TAOK1: variants seen among roughly 807,000 people sequenced by gnomAD.
TAOK1 encodes serine/threonine-protein kinase TAO1.
Under a neutral mutation model 138.3 loss-of-function variants are expected in TAOK1, and 21 were observed. The observed-to-expected ratio is 0.15, with a 90% CI of 0.11 to 0.22. The LOEUF (loss-of-function observed/expected upper bound fraction) is 0.22, where lower values mean the gene tolerates loss of function less well. Among genes scored for constraint, TAOK1 ranks in the 10% least tolerant of loss-of-function variants. The pLI is 1.00. For synonymous variants in TAOK1, 361 were observed against 398.4 expected (o/e 0.91, Z 1.12); for missense variants, 651 against 1,227.7 (o/e 0.53, Z 7.02).
At chr17:29,529,233 A>G (rs1246189910) in intron 17 of TAOK1, among the ~76,000 whole-genome samples, 1 of 152,150 alleles carries the variant, frequency 6.6e-6, no homozygotes, top group Non-Finnish European at 1.5e-5. Flanking sequence ...TTGGCCTCCC[A>G]AAGTACTGGG....
At position 29,503,337 on chromosome 17, in the gene TAOK1, G is replaced by A. The variant is rs150627080; in HGVS notation, c.1338+614G>A. ...TGTGAACCTGGGAGGCAGAGCTTGC[G>A]GTGAGCAGAGATCACACCACTGCAC... On this transcript the variant is annotated intron_variant, in intron 13 of 19. Transcript: ENST00000261716. 4.9e-3 allele frequency among the ~76,000 whole-genome samples: 741 copies of A among 149,700 alleles called. 12 individuals carry two copies. Among genetic ancestry groups the A allele is most frequent in the African/African-American group, 0.018 (711 of 40,370 alleles).
chr17:29,508,167 A>G, intron 14 of TAOK1, 35 bp downstream of exon 14: 1 of 1,578,726 alleles, frequency 6.3e-7, no homozygotes, highest in Non-Finnish European at 8.7e-7. Flanking sequence ...TGCTTATTTT[A>G]GGTTTTGAAT....
At chr17:29,460,364 G>A (rs142725406) in intron 2 of TAOK1, among the ~76,000 whole-genome samples, 1,903 of 152,214 alleles carry the variant, frequency 0.013, 33 homozygotes, top group Non-Finnish European at 0.016. Context: ...GCTAATTTTT[G>A]TATTTTTAGT....
At chr17:29,487,478 C>T (rs559972) in intron 8 of TAOK1, among the ~76,000 whole-genome samples, 57,518 of 151,748 alleles carry the variant, frequency 0.38, 12,111 homozygotes, top group Non-Finnish European at 0.48. Context: ...GTTCATTGAG[C>T]GTGTCTGAGA....
chr17:29,533,871 TC>T (rs1237368586), intron 18 of TAOK1, among the ~76,000 whole-genome samples: 1 of 151,250 alleles, frequency 6.6e-6, no homozygotes, highest in Non-Finnish European at 1.5e-5. Context: ...TCTAGGTTTT[TC>T]TTAAGAAAAA....
chr17:29,516,806 T>A (rs1429868867), intron 15 of TAOK1, among the ~76,000 whole-genome samples: 1 of 151,636 alleles, frequency 6.6e-6, no homozygotes, highest in African/African-American at 2.4e-5. Flanking sequence ...CGACCCCTGT[T>A]TTTTTTGTTG....
At chr17:29,424,852 C>G (rs999535444) in intron 1 of TAOK1, 2 of 152,040 alleles carry the variant, frequency 1.3e-5, no homozygotes, top group Non-Finnish European at 2.9e-5. Context: ...AGTATATGTG[C>G]TGCTGAAGTG....
At chr17:29,469,172 C>T (rs1422575100) in intron 3 of TAOK1, among the ~76,000 whole-genome samples, 1 of 151,974 alleles carries the variant, frequency 6.6e-6, no homozygotes. Context: ...ATTTTGAGCC[C>T]AGGAGTTCGA....
chr17:29,396,749 G>A (rs756679282), intron 1 of TAOK1, among the ~76,000 whole-genome samples: 56 of 152,180 alleles, frequency 3.7e-4, no homozygotes, highest in Admixed American at 5.9e-4. Flanking sequence ...TGTAATCCTA[G>A]CACTTTGGGA....
chr17:29,446,263 A>T (rs746254451), intron 1 of TAOK1, among the ~76,000 whole-genome samples: 1 of 151,450 alleles, frequency 6.6e-6, no homozygotes, highest in African/African-American at 2.4e-5. Flanking sequence ...TTTGTTTTCT[A>T]TTTCACTAAT....
At chr17:29,483,278 A>G (rs1230424883) in intron 8 of TAOK1, among the ~76,000 whole-genome samples, 1 of 152,036 alleles carries the variant, frequency 6.6e-6, no homozygotes, top group African/African-American at 2.4e-5. Context: ...GGGTTTCGCC[A>G]TGATGCCCAG....
At chr17:29,458,281 T>C (rs1218931886) in intron 2 of TAOK1, among the ~76,000 whole-genome samples, 1 of 152,212 alleles carries the variant, frequency 6.6e-6, no homozygotes, top group Non-Finnish European at 1.5e-5. Flanking sequence ...TTTCAGTAAA[T>C]ATCAAGGATG....
In TAOK1 at chr17:29,534,055, T is replaced by G. The variant is rs138929038; in HGVS notation, c.2362-63T>G. The G allele has an allele frequency of 8.4e-3, 12,456 of 1,475,204 alleles. 50 individuals are homozygous for G. Among genetic ancestry groups the G allele is most frequent in the Non-Finnish European group, 9.5e-3 (10,508 of 1,111,312 alleles). 91.4% of individuals were successfully genotyped at this position (1,475,204 alleles called of 1,614,324 possible). A position where few individuals can be genotyped will look rare whatever the true frequency, so the allele number is the denominator to read the frequency against. ...TAACACTCCTCCTCCTTTCCATAGG[T>G]CATGAATTGATAGCTAACATTAGGA... On this transcript the variant is annotated intron_variant, in intron 18 of 19. Transcript: ENST00000261716.
At chr17:29,462,245 A>G (rs185554407) in intron 2 of TAOK1, among the ~76,000 whole-genome samples, 9 of 152,322 alleles carry the variant, frequency 5.9e-5, no homozygotes, top group African/African-American at 2.2e-4. Flanking sequence ...TCATCAGGCA[A>G]GCTAATCAAG....
Position 29,536,921 on chromosome 17 carries a change from C to T in TAOK1, c.2544+2621C>T, listed in dbSNP as rs1042886401. ...TTCACCGTGTTAGCCAGGATGGTCT[C>T]GATCTCCTGACCTCGTGATCCGCCT... On this transcript the variant is annotated intron_variant, in intron 19 of 19. Coordinates refer to ENST00000261716, the MANE Select transcript of TAOK1 (RefSeq NM_020791.4). 2.6e-5 allele frequency among the ~76,000 whole-genome samples: 4 copies of T among 152,120 alleles called. No homozygotes were observed. In the South Asian group the frequency reaches 6.2e-4, roughly 24 times the overall value.
chr17:29,471,515 G>A (rs1203442892), intron 3 of TAOK1, among the ~76,000 whole-genome samples: 1 of 151,668 alleles, frequency 6.6e-6, no homozygotes, highest in African/African-American at 2.4e-5. Context: ...TTGACCTCGT[G>A]ATCCCCCCAC....
intron 10 of TAOK1, among the ~76,000 whole-genome samples, chr17:29,492,697 C>T (rs1292483206): frequency 6.6e-6 from 1 of 152,170 alleles, no homozygotes; most frequent in Non-Finnish European, 1.5e-5. Context: ...GAGGCTGAGG[C>T]AGGAGAATCG....
intron 11 of TAOK1, among the ~76,000 whole-genome samples, chr17:29,496,973 G>T (rs982678080): frequency 3.3e-5 from 5 of 152,024 alleles, no homozygotes; most frequent in Admixed American, 6.6e-5. Context: ...AGGAACATGG[G>T]TTCAAATTCA....
intron 1 of TAOK1, among the ~76,000 whole-genome samples, chr17:29,435,004 A>C (rs532091233): frequency 1.7e-3 from 253 of 152,262 alleles, no homozygotes; most frequent in Non-Finnish European, 2.4e-3. Context: ...GGCTCTAGTT[A>C]TGCTTGCTAG....
Sources: allele counts gnomAD v4.1 joint callset (sites outside exome capture counted in the v4.1 genomes callset), GRCh38; gene constraint gnomAD v4.1.1; transcripts MANE v1.5; gene names NCBI Gene and HGNC (gene_info 2026-07-23, HGNC 2026-07-21).